PPARGC1A: variants seen among roughly 807,000 people sequenced by gnomAD.
PPARGC1A encodes peroxisome proliferator-activated receptor gamma coactivator 1-alpha.
A neutral mutation model predicts 88.7 loss-of-function variants in PPARGC1A; 25 were observed. The observed-to-expected ratio is 0.28, with a 90% CI of 0.21 to 0.39. PPARGC1A has a LOEUF of 0.39. Ranked by LOEUF, PPARGC1A falls within the 10% of genes least tolerant of loss-of-function variation. The pLI is 1.00. For synonymous variants in PPARGC1A, 363 were observed against 355.6 expected (o/e 1.02, Z -0.24); for missense variants, 880 against 968.7 (o/e 0.91, Z 1.22).
At chr4:23,813,535 G>A (rs1721342255) in intron 8 of PPARGC1A, among the ~76,000 whole-genome samples, 155 bp downstream of exon 8, 1 of 152,224 alleles carries the variant, frequency 6.6e-6, no homozygotes, top group African/African-American at 2.4e-5. Context: ...AGAGAGATGT[G>A]AGTGTAACAA....
chr4:24,172,611 C>T, the PPARGC1A span, among the ~76,000 whole-genome samples: 2 of 152,198 alleles, frequency 1.3e-5, no homozygotes, highest in African/African-American at 4.8e-5. Flanking sequence ...CTAGAATGTG[C>T]TCATGGGCTG....
the PPARGC1A span, among the ~76,000 whole-genome samples, chr4:23,979,427 G>T: frequency 6.6e-6 from 1 of 152,106 alleles, no homozygotes; most frequent in African/African-American, 2.4e-5. Flanking sequence ...CATCTACATG[G>T]TTACAATTAT....
chr4:24,405,888 C>T, the PPARGC1A span, among the ~76,000 whole-genome samples: 21 of 152,132 alleles, frequency 1.4e-4, 1 homozygote, highest in East Asian at 3.9e-3. Flanking sequence ...CTGTCTTCCT[C>T]CTTTCCTTTC....
At chr4:24,359,173 A>T in the PPARGC1A span, among the ~76,000 whole-genome samples, 1 of 152,222 alleles carries the variant, frequency 6.6e-6, no homozygotes, top group Admixed American at 6.5e-5. Context: ...ATGGCTGCTG[A>T]TCTCTGCGAG....
chr4:24,384,232 A>G, the PPARGC1A span, among the ~76,000 whole-genome samples: 1 of 152,208 alleles, frequency 6.6e-6, no homozygotes, highest in Middle Eastern at 3.2e-3. Flanking sequence ...TCATGAAGGA[A>G]GCACTAAATA....
the PPARGC1A span, among the ~76,000 whole-genome samples, chr4:23,946,350 A>G: frequency 1.3e-5 from 2 of 152,150 alleles, no homozygotes; most frequent in Admixed American, 6.5e-5. Context: ...AAATGAAAGC[A>G]CAAGAAAGAA....
At chr4:24,103,469 G>GCCCTCCAAC in the PPARGC1A span, among the ~76,000 whole-genome samples, 1 of 152,080 alleles carries the variant, frequency 6.6e-6, no homozygotes, top group Non-Finnish European at 1.5e-5. Flanking sequence ...CCAGGACAGA[G>GCCCTCCAAC]AGCAGAGCCC....
the PPARGC1A span, among the ~76,000 whole-genome samples, chr4:24,029,078 T>C: frequency 6.6e-6 from 1 of 152,176 alleles, no homozygotes; most frequent in Non-Finnish European, 1.5e-5. Context: ...ATTTATATAA[T>C]TATTTGCTAT....
At chr4:23,798,504 A>C (rs1431843981) in intron 12 of PPARGC1A, among the ~76,000 whole-genome samples, 2 of 152,342 alleles carry the variant, frequency 1.3e-5, no homozygotes, top group East Asian at 3.9e-4. Context: ...AAAGAAATAC[A>C]TAAAGTTACG....
the PPARGC1A span, among the ~76,000 whole-genome samples, chr4:24,104,985 A>G: frequency 1.3e-5 from 2 of 152,206 alleles, no homozygotes; most frequent in Non-Finnish European, 2.9e-5. Context: ...TGATGTGCAT[A>G]TTAAATCACA....
the PPARGC1A span, among the ~76,000 whole-genome samples, chr4:24,111,406 GAC>G: frequency 1.3e-5 from 2 of 151,996 alleles, no homozygotes; most frequent in Admixed American, 6.6e-5. Flanking sequence ...GATATTTTTT[GAC>G]ACACATTAAT....
the PPARGC1A span, among the ~76,000 whole-genome samples, chr4:24,340,897 T>A: frequency 6.6e-6 from 1 of 152,124 alleles, no homozygotes; most frequent in Non-Finnish European, 1.5e-5. Context: ...TGGGGAACAG[T>A]GGTTTAGTAA....
At chr4:24,393,775 A>G in the PPARGC1A span, among the ~76,000 whole-genome samples, 3 of 152,032 alleles carry the variant, frequency 2.0e-5, no homozygotes, top group South Asian at 6.2e-4. Context: ...TTTTTAAGTG[A>G]CTCCATTTTT....
the PPARGC1A span, among the ~76,000 whole-genome samples, chr4:24,175,771 A>AAAATAT: frequency 2.6e-5 from 4 of 151,978 alleles, no homozygotes; most frequent in African/African-American, 7.2e-5. Flanking sequence ...CATAAATAAT[A>AAAATAT]AAATATTTTT....
chr4:23,999,761 CG>C, the PPARGC1A span, among the ~76,000 whole-genome samples: 2 of 151,990 alleles, frequency 1.3e-5, no homozygotes, highest in African/African-American at 4.8e-5. Context: ...CCTCCTTGCA[CG>C]GGAAAGAAAA....
chr4:24,106,668 T>G, the PPARGC1A span, among the ~76,000 whole-genome samples: 33 of 152,330 alleles, frequency 2.2e-4, no homozygotes, highest in African/African-American at 7.7e-4. Flanking sequence ...GGTAGTTTAG[T>G]TGGTTTCCCC....
chr4:24,088,228 A>C, the PPARGC1A span, among the ~76,000 whole-genome samples: 4 of 152,020 alleles, frequency 2.6e-5, no homozygotes, highest in Non-Finnish European at 5.9e-5. Flanking sequence ...TGAGGTGTAC[A>C]CCTGTAGTCC....
chr4:23,953,572 A>G, the PPARGC1A span, among the ~76,000 whole-genome samples: 1 of 152,070 alleles, frequency 6.6e-6, no homozygotes, highest in African/African-American at 2.4e-5. Context: ...AAATCCTTAT[A>G]GAGTAATATC....
the PPARGC1A span, among the ~76,000 whole-genome samples, chr4:24,092,443 G>A: frequency 6.6e-6 from 1 of 151,992 alleles, no homozygotes. Context: ...AAGACATTGG[G>A]AATTTTTTTA....
Sources: gnomAD v4.1 joint callset for allele counts (sites outside exome capture counted in the v4.1 genomes callset) on GRCh38, gnomAD v4.1.1 for gene constraint, MANE v1.5 for transcripts, NCBI Gene and HGNC (gene_info 2026-07-23, HGNC 2026-07-21) for gene names.